ANO3: variants seen among roughly 807,000 people sequenced by gnomAD.
ANO3 encodes anoctamin 3, also known as anoctamin-3.
Under a neutral mutation model 144.8 loss-of-function variants are expected in ANO3, and 99 were observed. The observed-to-expected ratio is 0.68, with a 90% confidence interval of 0.58 to 0.81. The LOEUF is 0.81. Ranked by LOEUF, ANO3 falls within the 30% of genes least tolerant of loss-of-function variation. The pLI, the probability that ANO3 is intolerant of heterozygous loss-of-function variation, is 0.00. For missense variants in ANO3, 905 were observed against 1,202.2 expected (o/e 0.75, Z 3.66); for synonymous variants, 414 against 392.6 (o/e 1.05, Z -0.64).
intron 26 of ANO3, among the ~76,000 whole-genome samples, 194 bp from the exon 27 acceptor site, chr11:26,660,068 T>A (rs1238456444): frequency 1.3e-5 from 2 of 152,322 alleles, no homozygotes; most frequent in East Asian, 3.9e-4. Flanking sequence ...TTCTTTGTTT[T>A]GTCCTAATAC....
At chr11:26,473,257 G>T (rs921347683) in intron 4 of ANO3, among the ~76,000 whole-genome samples, 1 of 151,904 alleles carries the variant, frequency 6.6e-6, no homozygotes. Context: ...CTGCCCTACA[G>T]AGGCATTTTT....
intron 1 of ANO3, among the ~76,000 whole-genome samples, chr11:26,198,968 T>C (rs568367936): frequency 6.6e-6 from 1 of 152,312 alleles, no homozygotes; most frequent in South Asian, 2.1e-4. Context: ...ACCTGGCTCA[T>C]ACAAAAGATG....
At chr11:26,277,233 T>A (rs1037400051) in intron 1 of ANO3, among the ~76,000 whole-genome samples, 5 of 152,120 alleles carry the variant, frequency 3.3e-5, no homozygotes, top group Non-Finnish European at 2.9e-5. Context: ...CAGTTGTAAG[T>A]AATGCATTGT....
chr11:26,287,695 G>GA (rs1435511067), intron 1 of ANO3: 1 of 152,146 alleles, frequency 6.6e-6, no homozygotes, highest in Admixed American at 6.5e-5. Context: ...TTAAACCCAG[G>GA]AAGATTCAAA....
At chr11:26,271,576 T>G (rs563862703) in intron 1 of ANO3, among the ~76,000 whole-genome samples, 2 of 152,324 alleles carry the variant, frequency 1.3e-5, no homozygotes, top group East Asian at 1.9e-4. Flanking sequence ...CTACACATTT[T>G]ATCACCCTTC....
intron 4 of ANO3, among the ~76,000 whole-genome samples, chr11:26,489,093 C>T (rs1355321377): frequency 6.6e-6 from 1 of 152,192 alleles, no homozygotes; most frequent in Non-Finnish European, 1.5e-5. Flanking sequence ...TCACCTCTCA[C>T]CATCACAGGC....
intron 1 of ANO3, among the ~76,000 whole-genome samples, chr11:26,310,852 G>A (rs1181806030): frequency 1.3e-5 from 2 of 152,170 alleles, no homozygotes; most frequent in Admixed American, 6.6e-5. Context: ...TTCGGAGACG[G>A]TAACTGAAGA....
intron 24 of ANO3, among the ~76,000 whole-genome samples, chr11:26,653,878 A>T (rs1853607936): frequency 1.3e-5 from 2 of 152,158 alleles, no homozygotes; most frequent in African/African-American, 4.8e-5. Context: ...ACTTTACATT[A>T]CTTTCTTTAA....
At chr11:26,507,037 T>C (rs897295083) in intron 4 of ANO3, among the ~76,000 whole-genome samples, 4 of 152,104 alleles carry the variant, frequency 2.6e-5, no homozygotes, top group African/African-American at 9.7e-5. Flanking sequence ...TCCAAATAGT[T>C]TGAAGGAAAG....
At chr11:26,399,544 C>T (rs1342808019) in intron 1 of ANO3, among the ~76,000 whole-genome samples, 2 of 151,712 alleles carry the variant, frequency 1.3e-5, no homozygotes, top group Non-Finnish European at 2.9e-5. Flanking sequence ...GTGGGAGGCC[C>T]ATATCTGGGA....
At chr11:26,200,687 A>T (rs1468674436) in intron 1 of ANO3, among the ~76,000 whole-genome samples, 1 of 152,270 alleles carries the variant, frequency 6.6e-6, no homozygotes, top group South Asian at 2.1e-4. Context: ...CAAACAAAAT[A>T]TTACATGTAT....
chr11:26,481,977 C>T (rs986006895), intron 4 of ANO3, among the ~76,000 whole-genome samples: 35 of 152,160 alleles, frequency 2.3e-4, no homozygotes, highest in Non-Finnish European at 4.9e-4. Context: ...ACTGCAGCCT[C>T]GAAGTCCTGG....
chr11:26,258,848 G>A (rs1241593350), intron 1 of ANO3, among the ~76,000 whole-genome samples: 1 of 152,138 alleles, frequency 6.6e-6, no homozygotes, highest in East Asian at 1.9e-4. Context: ...ATTTTTTATG[G>A]AATGAGAAAT....
intron 1 of ANO3, among the ~76,000 whole-genome samples, chr11:26,299,863 A>G (rs569083795): frequency 2.0e-4 from 30 of 152,298 alleles, no homozygotes; most frequent in African/African-American, 7.0e-4. Context: ...ATTGCCAATA[A>G]GTGGGTGGGA....
Position 26,534,573 on chromosome 11 carries a change from T to G in ANO3, c.976+11T>G. 1 of 1,564,644 alleles carries G rather than the reference T, an allele frequency of 6.4e-7. No homozygotes were observed. The highest frequency in any genetic ancestry group is 8.8e-7 in the Non-Finnish European group (1 of 1,136,110). On this transcript the variant is annotated intron_variant, in intron 9 of 26. Transcript: ENST00000256737. ...GAATATCAAAAGTGGGTAAGAACATTAATTAATAACAGAGTAGAACTTGCT... is the reference window on the plus strand; with the variant it reads ...GAATATCAAAAGTGGGTAAGAACATGAATTAATAACAGAGTAGAACTTGCT...
chr11:26,498,982 A>G (rs1021806350), intron 4 of ANO3, among the ~76,000 whole-genome samples: 1 of 151,962 alleles, frequency 6.6e-6, no homozygotes, highest in Non-Finnish European at 1.5e-5. Flanking sequence ...CTATTGCATG[A>G]CTACAAAACA....
At chr11:26,199,707 G>A (rs1373807847) in intron 1 of ANO3, among the ~76,000 whole-genome samples, 1 of 152,144 alleles carries the variant, frequency 6.6e-6, no homozygotes, top group African/African-American at 2.4e-5. Context: ...CTTAGTATGA[G>A]GAAACATTTT....
chr11:26,531,841 A>G (rs11029598), intron 8 of ANO3, among the ~76,000 whole-genome samples: 28,768 of 152,142 alleles, frequency 0.19, 2,884 homozygotes, highest in South Asian at 0.28. Context: ...ACCTACCTAC[A>G]TACATACCTG....
intron 1 of ANO3, among the ~76,000 whole-genome samples, chr11:26,216,927 T>C (rs1161059792): frequency 1.3e-5 from 2 of 152,064 alleles, no homozygotes; most frequent in African/African-American, 4.8e-5. Flanking sequence ...GTTTTCTTAT[T>C]GTAGAGTTTT....
Sources: allele counts gnomAD v4.1 joint callset (sites outside exome capture counted in the v4.1 genomes callset), GRCh38; gene constraint gnomAD v4.1.1; transcripts MANE v1.5; gene names NCBI Gene and HGNC (gene_info 2026-07-23, HGNC 2026-07-21).